The following THAP3 variants were observed in gnomAD, a reference collection of about 807,000 sequenced individuals.
The protein encoded by THAP3 is THAP domain-containing protein 3.
THAP3 carries 12 observed loss-of-function variants against 17.7 expected under a neutral mutation model. The observed-to-expected ratio is 0.68, with a 90% CI of 0.43 to 1.10. The LOEUF (loss-of-function observed/expected upper bound fraction) is 1.10. Ranked by LOEUF, THAP3 falls within the 50% of genes least tolerant of loss-of-function variation. The pLI, the probability that THAP3 is intolerant of heterozygous loss-of-function variation, is 0.00. For synonymous variants in THAP3, 133 were observed against 126.9 expected (o/e 1.05, Z -0.32); for missense variants, 289 against 318.0 (o/e 0.91, Z 0.69).
At position 6,625,762 on chromosome 1, in the gene THAP3, CCCGG is replaced by C. The variant is rs1374998901; in HGVS notation, c.74+473_74+476del. 2.0e-5 allele frequency among the ~76,000 whole-genome samples: 3 copies of C among 152,088 alleles called. No individual in the cohort carries two copies. In the East Asian group the frequency reaches 5.8e-4, roughly 30 times the overall value. Reference sequence around the variant, plus strand: ...CCAGCACTCGCCCGGCCCGGCCCGGCCCGGCCCAGGAGCAATCGTCATTAGTCAC... The same window carrying C: ...CCAGCACTCGCCCGGCCCGGCCCGGCCCCAGGAGCAATCGTCATTAGTCAC... On this transcript the variant is annotated intron_variant, in intron 2 of 5. Transcript: ENST00000054650.
chr1:6,632,358 GC>G (rs761401974), intron 4 of THAP3, 32 bp from the exon 5 acceptor site: 1 of 1,612,232 alleles, frequency 6.2e-7, no homozygotes, highest in Non-Finnish European at 8.5e-7. Flanking sequence ...CATGTGCAGG[GC>G]TGTAGTGCAG....
At chr1:6,631,488 G>T (rs557850350) in intron 4 of THAP3, among the ~76,000 whole-genome samples, 73 of 152,078 alleles carry the variant, frequency 4.8e-4, no homozygotes, top group Non-Finnish European at 7.1e-4. Flanking sequence ...AATTAGCCGG[G>T]CTGGGCGCAG....
At chr1:6,633,827 C>G (rs1456525465), downstream of THAP3, among the ~76,000 whole-genome samples, 2 of 151,928 alleles carry the variant, frequency 1.3e-5, no homozygotes, top group African/African-American at 4.8e-5. Context: ...GGAGGATCAG[C>G]TGAACCCGGG....
chr1:6,631,861 TG>T (rs1641623997), intron 4 of THAP3, among the ~76,000 whole-genome samples: 1 of 151,728 alleles, frequency 6.6e-6, no homozygotes, highest in Non-Finnish European at 1.5e-5. Context: ...CACTCCAGCC[TG>T]GGTGAAAGAG....
chr1:6,632,508 G>A lies in THAP3; in HGVS notation c.438+13G>A. 2 of 1,614,040 alleles carry A rather than the reference G, an allele frequency of 1.2e-6. No homozygotes were observed. The highest frequency in any genetic ancestry group is 8.5e-7 in the Non-Finnish European group (1 of 1,179,964). ...CCACGTAAAACAGGTAAGACTGAGT[G>A]CAAAGGTGGTCTGTGGTTGGACACA... On this transcript the variant is annotated intron_variant, in intron 5 of 5. Coordinates refer to ENST00000054650, the MANE Select transcript of THAP3 (RefSeq NM_001195753.2).
chr1:6,627,405 G>T (rs1389467464), intron 2 of THAP3, among the ~76,000 whole-genome samples: 1 of 152,192 alleles, frequency 6.6e-6, no homozygotes, highest in Non-Finnish European at 1.5e-5. Context: ...TCACTCTGTT[G>T]CCCAGGTGGA....
chr1:6,634,086 T>TGAA, downstream of THAP3: 2 of 1,613,334 alleles, frequency 1.2e-6, no homozygotes, highest in Non-Finnish European at 1.7e-6. Context: ...GAGTGAGGAG[T>TGAA]GAAGGATGGG....
At chr1:6,635,426 T>TG, downstream of THAP3, 1 of 490,754 alleles carries the variant, frequency 2.0e-6, no homozygotes, top group South Asian at 2.6e-5. Context: ...CTCCAGGAAC[T>TG]GATCCTTGGG....
chr1:6,633,934 C>T, downstream of THAP3: 1 of 1,254,700 alleles, frequency 8.0e-7, no homozygotes, highest in South Asian at 1.3e-5. Flanking sequence ...AAACTGACTT[C>T]CTATTTTGTC....
intron 2 of THAP3, chr1:6,628,282 C>G: frequency 2.0e-6 from 1 of 510,178 alleles, no homozygotes; most frequent in Non-Finnish European, 3.4e-6. Context: ...CTCACTTGGG[C>G]TCTCTGGCCA....
chr1:6,634,656 C>G (rs115884505), downstream of THAP3: 1,604 of 1,366,484 alleles, frequency 1.2e-3, 16 homozygotes, highest in African/African-American at 0.019. Context: ...GGAGGGGGTC[C>G]TAGCTCCGCT....
In THAP3 at chr1:6,625,047, C is replaced by A. The variant is rs1204593304; in HGVS notation, c.-70+93C>A. 5 of 692,442 alleles carry A rather than the reference C, an allele frequency of 7.2e-6. No homozygotes were observed. In the African/African-American group the frequency reaches 9.5e-5, roughly 13 times the overall value. The allele number at this position is 692,442 out of a possible 1,614,324, so 42.9% of individuals were successfully genotyped here. On this transcript the variant is annotated intron_variant, in intron 1 of 5. Coordinates refer to ENST00000054650, the MANE Select transcript of THAP3 (RefSeq NM_001195753.2). ...CTTTACGTGGCGCCCCGGGTCCCGT[C>A]CGACCCTGGGGAGACGCGGGTGGCT...
At chr1:6,634,848 G>C, downstream of THAP3, 1 of 1,235,146 alleles carries the variant, frequency 8.1e-7, no homozygotes, top group South Asian at 1.4e-5. Context: ...CTGATGTCTT[G>C]CCAAGCGCCT....
intron 4 of THAP3, 128 bp from the exon 5 acceptor site, chr1:6,632,263 C>A: frequency 1.6e-6 from 2 of 1,265,850 alleles, no homozygotes; most frequent in Non-Finnish European, 2.2e-6. Context: ...GAGAAGCTGG[C>A]TGTGGAGGGG....
At chr1:6,630,198 G>T in intron 3 of THAP3, 90 bp from the exon 4 acceptor site, 1 of 1,153,940 alleles carries the variant, frequency 8.7e-7, no homozygotes, top group South Asian at 1.2e-5. Flanking sequence ...GCAGTGGGCC[G>T]AGCAGCGGGG....
At chr1:6,632,548 A>G (rs1641647376) in intron 5 of THAP3, 53 bp downstream of exon 5, 2 of 1,609,500 alleles carry the variant, frequency 1.2e-6, no homozygotes, top group Non-Finnish European at 1.7e-6. Context: ...GACTTGCTCC[A>G]AACAAAATGG....
chr1:6,630,265 C>T (rs772417800), intron 3 of THAP3, 23 bp from the exon 4 acceptor site: 7 of 1,612,792 alleles, frequency 4.3e-6, no homozygotes, highest in South Asian at 1.1e-5. Flanking sequence ...GGTCTGCATC[C>T]ACTCTGTGTG....
chr1:6,634,172 C>A, downstream of THAP3: 1 of 1,315,832 alleles, frequency 7.6e-7, no homozygotes, highest in Non-Finnish European at 1.1e-6. Flanking sequence ...CCAGCCTCTG[C>A]TTTCAGGAAA....
intron 2 of THAP3, among the ~76,000 whole-genome samples, chr1:6,627,163 C>G (rs764895893): frequency 1.3e-5 from 2 of 152,166 alleles, no homozygotes; most frequent in Non-Finnish European, 2.9e-5. Context: ...ATTTCCAGCA[C>G]TAAGTGTTGG....
Sources: allele counts gnomAD v4.1 joint callset (sites outside exome capture counted in the v4.1 genomes callset), GRCh38; gene constraint gnomAD v4.1.1; transcripts MANE v1.5; gene names NCBI Gene and HGNC (gene_info 2026-07-23, HGNC 2026-07-21).